CHST9: variants seen among roughly 807,000 people sequenced by gnomAD.
The protein encoded by CHST9 is GalNAc-4-sulfotransferase 2.
CHST9 carries 41 observed loss-of-function variants against 44.4 expected under a neutral mutation model. The observed-to-expected ratio is 0.92, with a 90% CI of 0.72 to 1.20. The LOEUF is 1.20. Among genes scored for constraint, CHST9 ranks in the 50% most tolerant of loss-of-function variants. CHST9 has a pLI of 0.00. For missense variants in CHST9, 504 were observed against 516.5 expected, an observed-to-expected ratio of 0.98 and a Z score of 0.23; for synonymous variants, 171 against 178.4, an observed-to-expected ratio of 0.96 and a Z score of 0.33.
intron 2 of CHST9, among the ~76,000 whole-genome samples, chr18:27,104,919 A>T (rs2058207584): frequency 6.6e-6 from 1 of 152,206 alleles, no homozygotes; most frequent in Admixed American, 6.5e-5. Flanking sequence ...CATAGACGGC[A>T]CTAAAGACAT....
At chr18:27,053,218 G>GGAAGAAGAAGAAGAGGAAGAA (rs2057599404) in intron 2 of CHST9, among the ~76,000 whole-genome samples, 1 of 32,324 alleles carries the variant, frequency 3.1e-5, no homozygotes, top group Non-Finnish European at 6.6e-5. Flanking sequence ...AGGAGGAAGA[G>GGAAGAAGAAGAAGAGGAAGAA]GAAGAAGAAG....
At chr18:26,927,979 G>A (rs917127925) in intron 5 of CHST9, among the ~76,000 whole-genome samples, 3 of 138,000 alleles carry the variant, frequency 2.2e-5, no homozygotes, top group Non-Finnish European at 4.8e-5. Context: ...CTTGAGATTA[G>A]GGAGTGGTGA....
chr18:26,954,437 C>A (rs2056294031), intron 4 of CHST9, among the ~76,000 whole-genome samples: 1 of 152,118 alleles, frequency 6.6e-6, no homozygotes, highest in South Asian at 2.1e-4. Context: ...CTCCCAGTTG[C>A]CACTCTGGCT....
At chr18:27,023,056 T>C (rs1488427384) in intron 4 of CHST9, among the ~76,000 whole-genome samples, 1 of 152,216 alleles carries the variant, frequency 6.6e-6, no homozygotes, top group Non-Finnish European at 1.5e-5. Flanking sequence ...GGTCTGATTT[T>C]GTCTTTTTCC....
chr18:27,053,133 A>AGAAGAAGAG (rs1555679766), intron 2 of CHST9, among the ~76,000 whole-genome samples: 5,563 of 65,896 alleles, frequency 0.084, 364 homozygotes, highest in Non-Finnish European at 0.11. Flanking sequence ...AAGAAGAGGA[A>AGAAGAAGAG]GAAGAAGAAG....
At chr18:27,092,631 T>C (rs538791622) in intron 2 of CHST9, among the ~76,000 whole-genome samples, 4 of 152,312 alleles carry the variant, frequency 2.6e-5, no homozygotes, top group Admixed American at 2.6e-4. Context: ...GTCCCAGAGA[T>C]TCTGGTATGT....
chr18:26,995,433 G>A (rs1388081699), intron 4 of CHST9, among the ~76,000 whole-genome samples: 2 of 82,980 alleles, frequency 2.4e-5, no homozygotes, highest in African/African-American at 5.8e-5. Flanking sequence ...GCGAGACTCC[G>A]TCTCAAAAAA....
intron 2 of CHST9, among the ~76,000 whole-genome samples, chr18:27,140,479 A>G (rs2143862917): frequency 6.6e-6 from 1 of 152,322 alleles, no homozygotes; most frequent in East Asian, 1.9e-4. Flanking sequence ...TGACAGACTA[A>G]ACACATTTCT....
intron 1 of CHST9, among the ~76,000 whole-genome samples, chr18:27,167,858 T>C (rs946827862): frequency 6.6e-6 from 1 of 152,102 alleles, no homozygotes; most frequent in African/African-American, 2.4e-5. Context: ...TTCCAAATAG[T>C]GAATCCCCTA....
chr18:26,911,410 G>A lies in CHST9; in HGVS notation c.*4849C>T, dbSNP rs529952193. 6.6e-5 allele frequency: 10 copies of A among 152,160 alleles called. No individual in the cohort carries two copies. The highest frequency in any genetic ancestry group is 1.0e-4 in the Non-Finnish European group (7 of 68,030). The allele number at this position is 152,160 out of a possible 1,614,324, so 9.4% of individuals were successfully genotyped here. Reference sequence around the variant, plus strand: ...AACCTCCCTGACAAAAAAAATCGAGGAAAGGAATGCCTGCATTTATTGGTA... The same window carrying A: ...AACCTCCCTGACAAAAAAAATCGAGAAAAGGAATGCCTGCATTTATTGGTA... On this transcript the variant is annotated 3_prime_UTR_variant, in exon 6 of 6. Transcript: ENST00000618847.
Position 26,912,417 on chromosome 18 carries a change from A to ACC in CHST9, c.*3840_*3841dup, listed in dbSNP as rs1234381341. ...CACACACACACACACACACACAGAC[A>ACC]CCCATATTTGTATGGAAAAAATTTC... On this transcript the variant is annotated 3_prime_UTR_variant, in exon 6 of 6. Transcript: ENST00000618847. The ACC allele has an allele frequency of 1.5e-4, 23 of 151,632 alleles. No homozygotes were observed. Among genetic ancestry groups the ACC allele is most frequent in the African/African-American group, 4.6e-4 (19 of 41,174 alleles). The allele number at this position is 151,632 out of a possible 1,614,324, so 9.4% of individuals were successfully genotyped here.
rs1218308223 is a variant in CHST9, at chr18:26,908,440, G to A, written c.*7819C>T. 6.6e-6 allele frequency: 1 copy of A among 151,964 alleles called. No individual in the cohort carries two copies. Among genetic ancestry groups the A allele is most frequent in the African/African-American group, 2.4e-5 (1 of 41,398 alleles). The allele number at this position is 151,964 out of a possible 1,614,324, so 9.4% of individuals were successfully genotyped here. A position where few individuals can be genotyped will look rare whatever the true frequency, so the allele number is the denominator to read the frequency against. ...CTCAAAAAAAAAAATAGGTAAGATGGGGAGGGATAGGAAAATATTCATTAA... is the reference window on the plus strand; with the variant it reads ...CTCAAAAAAAAAAATAGGTAAGATGAGGAGGGATAGGAAAATATTCATTAA... On this transcript the variant is annotated 3_prime_UTR_variant, in exon 6 of 6. Coordinates refer to ENST00000618847, the MANE Select transcript of CHST9 (RefSeq NM_031422.6).
chr18:27,039,312 T>C (rs190243863), intron 3 of CHST9, among the ~76,000 whole-genome samples: 236 of 152,292 alleles, frequency 1.5e-3, no homozygotes, highest in Middle Eastern at 0.01. Context: ...ATGCAATATA[T>C]ACATACAATT....
chr18:26,971,462 T>C (rs1231029147), intron 4 of CHST9, among the ~76,000 whole-genome samples: 1 of 152,220 alleles, frequency 6.6e-6, no homozygotes, highest in East Asian at 1.9e-4. Context: ...ATAGACTAGG[T>C]TGTGTTGCAA....
chr18:27,131,093 CT>C (rs2058467572), intron 2 of CHST9, among the ~76,000 whole-genome samples: 1 of 152,198 alleles, frequency 6.6e-6, no homozygotes, highest in Admixed American at 6.5e-5. Flanking sequence ...CTAGAGAATA[CT>C]TTTCACTACA....
chr18:26,915,195 G>A lies in CHST9; in HGVS notation c.*1064C>T. On this transcript the variant is annotated 3_prime_UTR_variant, in exon 6 of 6. Coordinates refer to ENST00000618847, the MANE Select transcript of CHST9 (RefSeq NM_031422.6). ...TAAGCCTATTAAACACATTTCTAGG[G>A]GCTCTTTTTATGTTTATTCTCTAGA... 1 of 382,432 alleles carries A rather than the reference G, an allele frequency of 2.6e-6. No homozygotes were observed. The highest frequency in any genetic ancestry group is 4.6e-6 in the Non-Finnish European group (1 of 216,694). 23.7% of individuals were successfully genotyped at this position (382,432 alleles called of 1,614,324 possible).
At chr18:27,077,396 T>G (rs1004282126) in intron 2 of CHST9, among the ~76,000 whole-genome samples, 5 of 152,214 alleles carry the variant, frequency 3.3e-5, no homozygotes, top group African/African-American at 4.8e-5. Context: ...TTCTTTTCTG[T>G]ATTTTCACTT....
rs183577961 is a variant in CHST9 at position 26,912,243 on chromosome 18, G to A, written c.*4016C>T. Reference sequence around the variant, plus strand: ...TTCTTCTTAAAAACATTGTTTCCATGATTAACTAAGGATTACAAAAAAGTT... The same window carrying A: ...TTCTTCTTAAAAACATTGTTTCCATAATTAACTAAGGATTACAAAAAAGTT... On this transcript the variant is annotated 3_prime_UTR_variant, in exon 6 of 6. Transcript: ENST00000618847. The A allele has an allele frequency of 1.3e-5, 2 of 152,172 alleles. No individual in the cohort carries two copies. Among genetic ancestry groups the A allele is most frequent in the Admixed American group, 1.3e-4 (2 of 15,272 alleles). 9.4% of individuals were successfully genotyped at this position (152,172 alleles called of 1,614,324 possible).
chr18:26,987,263 C>G (rs2056764656), intron 4 of CHST9, among the ~76,000 whole-genome samples: 1 of 152,158 alleles, frequency 6.6e-6, no homozygotes, highest in East Asian at 1.9e-4. Flanking sequence ...TAGGTTTTGG[C>G]TCTCTTTGCA....
Sources: gnomAD v4.1 joint callset for allele counts (sites outside exome capture counted in the v4.1 genomes callset) on GRCh38, gnomAD v4.1.1 for gene constraint, MANE v1.5 for transcripts, NCBI Gene and HGNC (gene_info 2026-07-23, HGNC 2026-07-21) for gene names.